The following FGGY variants were observed in gnomAD, a reference collection of about 807,000 sequenced individuals.
FGGY encodes FGGY carbohydrate kinase domain containing, also known as FGGY carbohydrate kinase domain-containing protein.
FGGY carries 72 observed loss-of-function variants against 71.3 expected under a neutral mutation model. The ratio of observed to expected loss-of-function variants is 1.01; its 90% CI spans 0.84 to 1.23. The LOEUF (loss-of-function observed/expected upper bound fraction) is 1.23. FGGY is among the 50% of genes most tolerant of loss of function. The pLI is 0.00. For missense variants in FGGY, 668 were observed against 682.3 expected (o/e 0.98, Z 0.23); for synonymous variants, 251 against 250.3 (o/e 1.00, Z -0.02).
intron 14 of FGGY, among the ~76,000 whole-genome samples, chr1:59,747,313 C>T (rs2098207441): frequency 6.6e-6 from 1 of 152,158 alleles, no homozygotes; most frequent in African/African-American, 2.4e-5. Flanking sequence ...GCAGCCAGGC[C>T]ATATATTAGG....
chr1:59,691,241 A>G (rs979549296), intron 14 of FGGY, among the ~76,000 whole-genome samples: 1 of 152,228 alleles, frequency 6.6e-6, no homozygotes, highest in Non-Finnish European at 1.5e-5. Flanking sequence ...TTTAATAATG[A>G]TACTTAATAA....
intron 14 of FGGY, among the ~76,000 whole-genome samples, chr1:59,682,505 G>GT (rs1407981585): frequency 2.0e-5 from 3 of 152,198 alleles, no homozygotes; most frequent in African/African-American, 7.2e-5. Flanking sequence ...CCTCGGGTTT[G>GT]TAACAGCTGG....
chr1:59,423,394 G>C (rs1380481039), intron 5 of FGGY, among the ~76,000 whole-genome samples: 1 of 152,092 alleles, frequency 6.6e-6, no homozygotes, highest in African/African-American at 2.4e-5. Context: ...ACACCATTCA[G>C]CATGTCAGAT....
intron 11 of FGGY, among the ~76,000 whole-genome samples, chr1:59,642,293 A>T (rs1466342888): frequency 2.0e-5 from 3 of 152,254 alleles, no homozygotes; most frequent in Admixed American, 6.5e-5. Flanking sequence ...TTAGCTGTAG[A>T]TCTGAAGAGA....
At chr1:59,383,169 G>A (rs1029120084) in intron 5 of FGGY, among the ~76,000 whole-genome samples, 4 of 152,138 alleles carry the variant, frequency 2.6e-5, no homozygotes, top group Non-Finnish European at 5.9e-5. Flanking sequence ...ATTAGTTGGA[G>A]TATAGGAATT....
At chr1:59,381,403 TATTG>T (rs1260771633) in intron 5 of FGGY, among the ~76,000 whole-genome samples, 19 of 152,238 alleles carry the variant, frequency 1.2e-4, no homozygotes, top group Non-Finnish European at 1.2e-4. Context: ...ATTTTCACAA[TATTG>T]ATTCAATAAG....
chr1:59,751,274 A>C (rs537687630), intron 14 of FGGY, among the ~76,000 whole-genome samples: 1 of 148,076 alleles, frequency 6.8e-6, no homozygotes, highest in Non-Finnish European at 1.5e-5. Flanking sequence ...TACTTAAAAT[A>C]ATCAGCACAG....
rs534089576 is a variant in FGGY at position 59,497,448 on chromosome 1, C to G, written c.671-14863C>G. On this transcript the variant is annotated intron_variant, in intron 6 of 15. Transcript: ENST00000303721. The stretch of plus-strand genomic sequence containing the variant: ...CTAAAAAATACAAAAATTAGCCAGG[C>G]GTGGTGGCAGGCACCTGTAATCCTA... Among the ~76,000 whole-genome samples the G allele has an allele frequency of 1.6e-3, 251 of 152,216 alleles. 1 individual carries two copies. The highest frequency in any genetic ancestry group is 2.4e-3 in the Non-Finnish European group (164 of 67,990).
intron 14 of FGGY, among the ~76,000 whole-genome samples, chr1:59,757,358 G>A (rs1415681452): frequency 6.6e-6 from 1 of 152,186 alleles, no homozygotes; most frequent in Non-Finnish European, 1.5e-5. Context: ...AGAAAAGAAT[G>A]TCCTGAAGTC....
intron 8 of FGGY, among the ~76,000 whole-genome samples, chr1:59,572,965 G>A (rs540024540): frequency 1.3e-5 from 2 of 152,274 alleles, no homozygotes; most frequent in South Asian, 2.1e-4. Context: ...GTCTTCTCAA[G>A]AAGTAGCCAT....
At chr1:59,422,696 G>GAA (rs138277726) in intron 5 of FGGY, among the ~76,000 whole-genome samples, 8 of 125,816 alleles carry the variant, frequency 6.4e-5, no homozygotes, top group Admixed American at 1.6e-4. Flanking sequence ...TGTCTCAAAG[G>GAA]AAAAAAAAAA....
intron 9 of FGGY, among the ~76,000 whole-genome samples, chr1:59,608,534 C>G (rs892349623): frequency 2.0e-5 from 3 of 152,144 alleles, no homozygotes; most frequent in African/African-American, 7.2e-5. Context: ...CTCTGAGTTC[C>G]TTAAAGACAA....
intron 4 of FGGY, among the ~76,000 whole-genome samples, chr1:59,351,477 C>T (rs1251005381): frequency 6.6e-6 from 1 of 152,128 alleles, no homozygotes; most frequent in African/African-American, 2.4e-5. Flanking sequence ...TGTAATGCTA[C>T]GTCAATTTTT....
At chr1:59,637,597 C>T (rs140311063) in intron 10 of FGGY, among the ~76,000 whole-genome samples, 3 of 152,168 alleles carry the variant, frequency 2.0e-5, no homozygotes, top group Admixed American at 6.5e-5. Flanking sequence ...ACTGAAACTC[C>T]ATCTCAAAAA....
chr1:59,472,428 G>A (rs1017557484), intron 6 of FGGY, among the ~76,000 whole-genome samples: 11 of 152,222 alleles, frequency 7.2e-5, no homozygotes, highest in Non-Finnish European at 1.0e-4. Context: ...CCTGCTCCAC[G>A]GAGCCTAGTC....
chr1:59,368,685 CAG>C (rs1387285207), intron 4 of FGGY, among the ~76,000 whole-genome samples: 13 of 152,298 alleles, frequency 8.5e-5, no homozygotes, highest in African/African-American at 2.9e-4. Context: ...GGAGGAGGGA[CAG>C]AGAGATTTTT....
rs1400450163 is a variant in FGGY, at chr1:59,457,040, T to C, written c.634T>C (p.Leu212=). The C allele has an allele frequency of 3.7e-6, 6 of 1,614,062 alleles. No homozygotes were observed. In the East Asian group the frequency reaches 1.3e-4, roughly 36 times the overall value. Residue 212 remains leucine, a synonymous_variant, in exon 6 of 16, where the codon TTG becomes CTG. Transcript: ENST00000303721. ...WDDSFWKMIG[L]EDFVADNYSK... ...CGACAGTTTCTGGAAAATGATTGGT[T>C]TGGAAGACTTTGTTGCAGATAATTA...
intron 1 of FGGY, among the ~76,000 whole-genome samples, chr1:59,319,252 G>T (rs1005510323): frequency 3.1e-4 from 47 of 152,306 alleles, no homozygotes; most frequent in South Asian, 2.1e-4. Context: ...AAATGTGGTT[G>T]TAAAATGAAT....
At chr1:59,681,563 G>A (rs1024914894) in intron 14 of FGGY, among the ~76,000 whole-genome samples, 1 of 152,180 alleles carries the variant, frequency 6.6e-6, no homozygotes, top group African/African-American at 2.4e-5. Flanking sequence ...GTGCCTGTAA[G>A]TAATTAATTC....
Sources: gnomAD v4.1 joint callset for allele counts (sites outside exome capture counted in the v4.1 genomes callset) on GRCh38, gnomAD v4.1.1 for gene constraint, MANE v1.5 for transcripts, NCBI Gene and HGNC (gene_info 2026-07-23, HGNC 2026-07-21) for gene names.